The following BOP1 variants were observed in gnomAD, a reference collection of about 807,000 sequenced individuals.
The protein encoded by BOP1 is ribosome biogenesis protein BOP1.
In BOP1, 54 loss-of-function variants were observed where a neutral mutation model predicts 82.9. The observed-to-expected ratio is 0.65, with a 90% CI of 0.52 to 0.82. The LOEUF is 0.82. BOP1 is among the 40% of genes least tolerant of loss of function. The pLI is 0.00. For synonymous variants in BOP1, 566 were observed against 451.1 expected (o/e 1.25, Z -3.23); for missense variants, 1,170 against 1,072.0 (o/e 1.09, Z -1.28).
Position 144,284,118 on chromosome 8 carries a change from A to AAAAAC in BOP1, c.309+4972_309+4976dup, listed in dbSNP as rs144569344. 8.8e-3 allele frequency among the ~76,000 whole-genome samples: 1,332 copies of AAAAAC among 151,710 alleles called. 17 individuals carry two copies. Among genetic ancestry groups the AAAAAC allele is most frequent in the African/African-American group, 0.029 (1,203 of 41,274 alleles). On this transcript the variant is annotated intron_variant, in intron 2 of 15. Coordinates refer to ENST00000569669, the MANE Select transcript of BOP1 (RefSeq NM_015201.5). ...GGCGACAGAGCGAGACTCTGTCTCA[A>AAAAAC]AAAACAAAACAAAACAAAACAAAAC...
intron 3 of BOP1, among the ~76,000 whole-genome samples, chr8:144,275,892 C>T (rs956931063): frequency 7.1e-4 from 108 of 151,842 alleles, no homozygotes; most frequent in African/African-American, 2.4e-3. Context: ...ATGCACGCCA[C>T]GCCCAGGGAG....
rs782447374 is a variant in BOP1, at chr8:144,263,259, G to A, written c.1567C>T (p.Arg523Cys). 255 of 1,594,860 alleles carry A rather than the reference G, an allele frequency of 1.6e-4. No individual in the cohort carries two copies. Among genetic ancestry groups the A allele is most frequent in the Middle Eastern group, 1.6e-3 (7 of 4,502 alleles). ...ATGCGCAGCCGCAGGCCCACTTGGC[G>A]CTCCTCCTCTGAGGCCTCCAGCCAG... ...ARWLEASEEE[R>C]QVGLRLRICH... is the part of the protein sequence containing the mutation. Residue 523 changes from arginine (R) to cysteine (C), a missense_variant, in exon 12 of 16, where the codon CGC becomes TGC. By Grantham distance (180) the Arg-to-Cys change is radical. Coordinates refer to ENST00000569669, the MANE Select transcript of BOP1 (RefSeq NM_015201.5).
rs1203449680 is a variant in BOP1, at chr8:144,266,530, G to A, written c.391-1459C>T. ...CAGCCGAGACCCCGCGCCTCGCCCC[G>A]GCCGGCCCGCGAGGCCCGCGGCGGC... On this transcript the variant is annotated intron_variant, in intron 3 of 15. Transcript: ENST00000569669. 45 of 991,660 alleles carry A rather than the reference G, an allele frequency of 4.5e-5. No homozygotes were observed. The African/African-American group carries it at 7.2e-4, about 16-fold the overall frequency. 61.4% of individuals were successfully genotyped at this position (991,660 alleles called of 1,614,324 possible).
chr8:144,289,383 G>C (rs1338149790), intron 1 of BOP1, 79 bp from the exon 2 acceptor site: 6 of 1,453,758 alleles, frequency 4.1e-6, no homozygotes, highest in Non-Finnish European at 5.6e-6. Flanking sequence ...GCTGCCTCTC[G>C]CCCCTCCAGC....
At chr8:144,264,877 G>A in intron 4 of BOP1, 40 bp downstream of exon 4, 1 of 1,607,052 alleles carries the variant, frequency 6.2e-7, no homozygotes, top group Non-Finnish European at 8.5e-7. Context: ...CCACCCCTCG[G>A]GCCCACCCCG....
chr8:144,272,102 A>AGG (rs1845501539), intron 3 of BOP1, among the ~76,000 whole-genome samples: 2 of 152,184 alleles, frequency 1.3e-5, no homozygotes, highest in East Asian at 3.9e-4. Flanking sequence ...TCTCATAAGC[A>AGG]GGGGCTCCCA....
intron 2 of BOP1, among the ~76,000 whole-genome samples, chr8:144,277,657 C>G (rs1489376219): frequency 6.6e-6 from 1 of 152,276 alleles, no homozygotes; most frequent in Non-Finnish European, 1.5e-5. Context: ...ACGGCACAGG[C>G]AGGCTCTGGG....
intron 3 of BOP1, among the ~76,000 whole-genome samples, chr8:144,271,303 G>GGCCCGCT (rs1845488483): frequency 3.9e-5 from 6 of 152,062 alleles, no homozygotes; most frequent in African/African-American, 1.2e-4. Flanking sequence ...GTATGGGGCT[G>GGCCCGCT]GCCCGCTGCC....
intron 2 of BOP1, among the ~76,000 whole-genome samples, chr8:144,283,113 G>A (rs1031599971): frequency 4.8e-5 from 7 of 147,186 alleles, no homozygotes; most frequent in Admixed American, 2.1e-4. Context: ...CACGAGAATC[G>A]CTTGAACCCA....
In BOP1 at chr8:144,291,323, C is replaced by T. The variant is rs1554840186; in HGVS notation, c.48G>A (p.Arg16=). Residue 16 remains arginine (R), a synonymous_variant, in exon 1 of 16, where the codon CGG becomes CGA. Transcript: ENST00000569669. The surrounding 1 kb of genome is among the most constrained non-coding windows in gnomAD (Gnocchi z 4.1). ...CGGGCTCAGACCGCCGCTTCTCCGG[C>T]CGCACGCTCGGCGCCGCCGTGCGCC... ...GAGRTAAPSV[R]PEKRRSEPEL... is the part of the protein sequence containing the mutation. 7.7e-6 allele frequency: 11 copies of T among 1,434,802 alleles called. No homozygotes were observed. The highest frequency in any genetic ancestry group is 1.0e-5 in the Non-Finnish European group (11 of 1,092,770). The allele number at this position is 1,434,802 out of a possible 1,614,324, so 88.9% of individuals were successfully genotyped here.
At chr8:144,266,712 G>A (rs1409780403) in intron 3 of BOP1, 1 of 1,212,782 alleles carries the variant, frequency 8.2e-7, no homozygotes. Flanking sequence ...GCGACAGCTC[G>A]GGCTCCGACG....
Position 144,262,331 on chromosome 8 carries a change from GAGGGCTC to G in BOP1, c.2088-21_2088-15del. ...TGCAGAAGGTCACTGTGGGGACGAG[GAGGGCTC>G]AGGGCACGGCCAGACACCACTGCCC... On this transcript the variant is annotated splice_polypyrimidine_tract_variant and intron_variant, in intron 15 of 15. Transcript: ENST00000569669. 1 of 1,612,822 alleles carries G rather than the reference GAGGGCTC, an allele frequency of 6.2e-7. No homozygotes were observed. Among genetic ancestry groups the G allele is most frequent in the Non-Finnish European group, 8.5e-7 (1 of 1,179,830 alleles).
rs1845263724 is a variant in BOP1, at chr8:144,263,063, G to T, written c.1684C>A (p.Leu562Met). The T allele has an allele frequency of 6.3e-7, 1 of 1,586,658 alleles. No homozygotes were observed. The highest frequency in any genetic ancestry group is 8.5e-7 in the Non-Finnish European group (1 of 1,175,498). Residue 562 changes from leucine (L) to methionine (M), a missense_variant, in exon 13 of 16, where the codon CTG becomes ATG. Coordinates refer to ENST00000569669, the MANE Select transcript of BOP1 (RefSeq NM_015201.5). ...VLATQGHTQV[L>M]IHQLSRRRSQ... ...CGGCGACGGCTCAGCTGGTGAATCA[G>T]CACCTGGGTGTGGCCTTGGGTGGCC...
At chr8:144,266,728 C>A (rs1428765132) in intron 3 of BOP1, 92 of 1,138,492 alleles carry the variant, frequency 8.1e-5, no homozygotes, top group Non-Finnish European at 9.6e-5. Context: ...CGACGAGAAA[C>A]CCTGTCGCGT....
rs544647439 is a variant in BOP1, at chr8:144,283,393, A to G, written c.309+5702T>C. ...CAGCCATGAGGGTTTCCAGCCAGCTAAGTGCATGGATGATGCCGCCACAGG... is the reference window on the plus strand; with the variant it reads ...CAGCCATGAGGGTTTCCAGCCAGCTGAGTGCATGGATGATGCCGCCACAGG... On this transcript the variant is annotated intron_variant, in intron 2 of 15. Transcript: ENST00000569669. Among the ~76,000 whole-genome samples, 31 of 152,286 alleles carry G rather than the reference A, an allele frequency of 2.0e-4. No individual in the cohort carries two copies. The East Asian group carries it at 5.8e-3, about 28-fold the overall frequency.
intron 3 of BOP1, among the ~76,000 whole-genome samples, chr8:144,274,952 G>A (rs955263949): frequency 2.6e-5 from 4 of 152,178 alleles, no homozygotes; most frequent in Admixed American, 2.6e-4. Flanking sequence ...GCGCGGCGTG[G>A]CCCCCCCGCT....
Position 144,276,305 on chromosome 8 carries a change from C to T in BOP1, c.310-1G>A. ...CTGTCCTCGGGCAAGGAGTGCTGGC[C>T]TGCAGAGAGAGAGAGAAAATGGTCA... is the stretch of plus-strand genomic sequence containing the variant. On this transcript the variant is annotated splice_acceptor_variant, in intron 2 of 15. Coordinates refer to ENST00000569669, the MANE Select transcript of BOP1 (RefSeq NM_015201.5). LOFTEE classifies it high-confidence loss of function. 1 of 1,612,990 alleles carries T rather than the reference C, an allele frequency of 6.2e-7. No homozygotes were observed.
chr8:144,262,672 C>T lies in BOP1; in HGVS notation c.1895G>A (p.Gly632Asp). 2 of 1,613,314 alleles carry T rather than the reference C, an allele frequency of 1.2e-6. No homozygotes were observed. The highest frequency in any genetic ancestry group is 1.7e-6 in the Non-Finnish European group (2 of 1,179,802). The change falls in exon 14 of 16, where the codon GGT becomes GAT. Residue 632 changes from glycine (G) to aspartate (D), a missense_variant and splice_region_variant. Physicochemically the swap from Gly to Asp is moderately conservative, Grantham distance 94. Coordinates refer to ENST00000569669, the MANE Select transcript of BOP1 (RefSeq NM_015201.5). ...WVSSLAVHPA[G>D]DNVICGSYDS... ...GTAGCTCCCACAGATGACGTTGTCA[C>T]CTAGGGCCAAAGGCTGTGATGCAGG...
intron 2 of BOP1, among the ~76,000 whole-genome samples, chr8:144,281,179 C>G (rs1424811169): frequency 0.034 from 1,561 of 45,630 alleles, 612 homozygotes; most frequent in South Asian, 0.065. Context: ...CCTTCCCTCA[C>G]TTTCATACCA....
Sources: gnomAD v4.1 joint callset for allele counts (sites outside exome capture counted in the v4.1 genomes callset) on GRCh38, gnomAD v4.1.1 for gene constraint, Gnocchi (gnomAD v3.1) non-coding constraint, MANE v1.5 for transcripts, NCBI Gene and HGNC (gene_info 2026-07-23, HGNC 2026-07-21) for gene names.